Variants in MCM9 observed in about 807,000 individuals in gnomAD.
The protein encoded by MCM9 is DNA helicase MCM9.
In MCM9, 55 loss-of-function variants were observed where a neutral mutation model predicts 72.8. The ratio of observed to expected loss-of-function variants is 0.76; its 90% CI spans 0.61 to 0.95. The LOEUF is 0.95. MCM9 is among the 40% of genes least tolerant of loss of function. The pLI is 0.00. For synonymous variants in MCM9, 480 were observed against 503.4 expected, an observed-to-expected ratio of 0.95 and a Z score of 0.62; for missense variants, 1,279 against 1,377.0, an observed-to-expected ratio of 0.93 and a Z score of 1.13.
At chr6:118,852,997 T>TAG (rs1474933285) in intron 9 of MCM9, among the ~76,000 whole-genome samples, 1 of 152,244 alleles carries the variant, frequency 6.6e-6, no homozygotes, top group Non-Finnish European at 1.5e-5. Context: ...TTTATATTGC[T>TAG]AGTAGTATTC....
At chr6:118,868,058 G>T (rs1370219159) in intron 8 of MCM9, among the ~76,000 whole-genome samples, 1 of 151,832 alleles carries the variant, frequency 6.6e-6, no homozygotes, top group East Asian at 1.9e-4. Flanking sequence ...TGTATTTTTA[G>T]TAGAGACGGG....
At chr6:118,882,251 TCAGAGAGTTTGA>T (rs1162241447) in intron 8 of MCM9, among the ~76,000 whole-genome samples, 2 of 152,136 alleles carry the variant, frequency 1.3e-5, no homozygotes, top group Non-Finnish European at 2.9e-5. Flanking sequence ...GAGCAGTAGC[TCAGAGAGTTTGA>T]CCAGGGGGAG....
intron 6 of MCM9, among the ~76,000 whole-genome samples, chr6:118,913,731 T>G (rs780515042): frequency 1.3e-5 from 2 of 151,934 alleles, no homozygotes; most frequent in African/African-American, 4.8e-5. Flanking sequence ...TCCTGAGTAG[T>G]TGGGACAGCA....
At chr6:118,855,185 A>T (rs1776476044) in intron 9 of MCM9, among the ~76,000 whole-genome samples, 1 of 152,240 alleles carries the variant, frequency 6.6e-6, no homozygotes, top group Admixed American at 6.5e-5. Flanking sequence ...TGGAGATATA[A>T]TGAGAAAAGA....
intron 1 of MCM9, among the ~76,000 whole-genome samples, chr6:118,933,213 T>C (rs541354622): frequency 7.9e-5 from 12 of 151,764 alleles, no homozygotes; most frequent in African/African-American, 2.7e-4. Flanking sequence ...GAAACACTTA[T>C]TTGGGGCCGG....
At chr6:118,860,594 A>G (rs537356976) in intron 8 of MCM9, among the ~76,000 whole-genome samples, 1 of 152,278 alleles carries the variant, frequency 6.6e-6, no homozygotes, top group South Asian at 2.1e-4. Context: ...ATAAATTAGA[A>G]ATCCAGGGTG....
chr6:118,827,101 G>A (rs922928545), intron 11 of MCM9, among the ~76,000 whole-genome samples: 1 of 151,996 alleles, frequency 6.6e-6, no homozygotes, highest in Non-Finnish European at 1.5e-5. Context: ...AGTACTCTGG[G>A]CTCTAGCAAA....
At chr6:118,833,854 C>T (rs1314982799) in intron 9 of MCM9, among the ~76,000 whole-genome samples, 2 of 152,090 alleles carry the variant, frequency 1.3e-5, no homozygotes, top group African/African-American at 4.8e-5. Flanking sequence ...CTGGTGATTG[C>T]TTGTACAACG....
At chr6:118,847,826 C>T (rs1775977875) in intron 9 of MCM9, among the ~76,000 whole-genome samples, 1 of 151,768 alleles carries the variant, frequency 6.6e-6, no homozygotes, top group African/African-American at 2.4e-5. Flanking sequence ...TCTGGGACTT[C>T]AGGCAAAAAA....
intron 9 of MCM9, among the ~76,000 whole-genome samples, chr6:118,836,408 T>G (rs1223155425): frequency 6.6e-6 from 1 of 152,236 alleles, no homozygotes; most frequent in African/African-American, 2.4e-5. Context: ...TGTAATAGTT[T>G]CAGAAGGAAT....
chr6:118,913,550 A>G, intron 6 of MCM9, 130 bp from the exon 7 acceptor site: 2 of 1,141,324 alleles, frequency 1.8e-6, no homozygotes, highest in Non-Finnish European at 2.5e-6. Context: ...AGGAGGTCCA[A>G]TTCCAAATGA....
Position 118,877,628 on chromosome 6 carries a change from A to G in MCM9, c.1151-21083T>C, listed in dbSNP as rs530992763. 3.1e-4 allele frequency among the ~76,000 whole-genome samples: 47 copies of G among 152,326 alleles called. 1 individual carries two copies. The highest frequency in any genetic ancestry group is 6.3e-4 in the Non-Finnish European group (43 of 68,024). On this transcript the variant is annotated intron_variant, in intron 8 of 13. Transcript: ENST00000619706. Reference sequence around the variant, plus strand: ...AACGGATACAACTATTTTGGAAAAGAGTTTGGCAATATCTACAAAAGTTTC... The same window carrying G: ...AACGGATACAACTATTTTGGAAAAGGGTTTGGCAATATCTACAAAAGTTTC...
intron 8 of MCM9, among the ~76,000 whole-genome samples, chr6:118,888,812 A>C (rs1778768055): frequency 6.6e-6 from 1 of 152,310 alleles, no homozygotes; most frequent in East Asian, 1.9e-4. Context: ...TGCTTCAAAG[A>C]TGCTGGTCAT....
intron 9 of MCM9, among the ~76,000 whole-genome samples, chr6:118,831,753 A>AT (rs1206421979): frequency 6.6e-6 from 1 of 152,174 alleles, no homozygotes; most frequent in Non-Finnish European, 1.5e-5. Context: ...AAGGTAACTC[A>AT]TTTTTCTATC....
At chr6:118,889,532 T>G (rs1778813570) in intron 8 of MCM9, among the ~76,000 whole-genome samples, 1 of 152,110 alleles carries the variant, frequency 6.6e-6, no homozygotes, top group Non-Finnish European at 1.5e-5. Flanking sequence ...AGTAGAGGGT[T>G]AGAGAGAAAA....
chr6:118,883,405 G>A (rs568745746), intron 8 of MCM9, among the ~76,000 whole-genome samples: 2 of 151,148 alleles, frequency 1.3e-5, no homozygotes, highest in East Asian at 3.9e-4. Context: ...GAACTAAAAG[G>A]AGTAGAAAAA....
intron 8 of MCM9, among the ~76,000 whole-genome samples, chr6:118,880,256 T>C (rs1253376562): frequency 6.6e-6 from 1 of 152,126 alleles, no homozygotes; most frequent in African/African-American, 2.4e-5. Context: ...TTGTAGCAGC[T>C]TCAAAAGAAA....
At chr6:118,933,692 G>C (rs760883242) in intron 1 of MCM9, among the ~76,000 whole-genome samples, 3 of 152,022 alleles carry the variant, frequency 2.0e-5, no homozygotes, top group Non-Finnish European at 2.9e-5. Flanking sequence ...TGTTATACAC[G>C]CTATTTGCTA....
chr6:118,883,038 A>G (rs1294390379), intron 8 of MCM9, among the ~76,000 whole-genome samples: 1 of 150,826 alleles, frequency 6.6e-6, no homozygotes, highest in Non-Finnish European at 1.5e-5. Flanking sequence ...CAAAGCCTTC[A>G]AAGTAGCCAT....
Sources: gnomAD v4.1 joint callset for allele counts (sites outside exome capture counted in the v4.1 genomes callset) on GRCh38, gnomAD v4.1.1 for gene constraint, MANE v1.5 for transcripts, NCBI Gene and HGNC (gene_info 2026-07-23, HGNC 2026-07-21) for gene names.